The following RALYL variants were observed in gnomAD, a reference collection of about 807,000 sequenced individuals.
RALYL encodes the protein RNA-binding Raly-like protein.
Under a neutral mutation model 35.1 loss-of-function variants are expected in RALYL, and 29 were observed. The observed-to-expected ratio is 0.83, with a 90% CI of 0.61 to 1.13. RALYL has a LOEUF of 1.13. RALYL is among the 50% of genes most tolerant of loss of function. RALYL has a pLI of 0.00. For missense variants in RALYL, 359 were observed against 360.4 expected (o/e 1.00, Z 0.03); for synonymous variants, 120 against 127.6 (o/e 0.94, Z 0.40).
chr8:84,487,741 T>C (rs4739691), intron 1 of RALYL, among the ~76,000 whole-genome samples: 53,078 of 151,954 alleles, frequency 0.35, 9,568 homozygotes, highest in South Asian at 0.52. Context: ...TGTCCTCTTA[T>C]AGAAAATACT....
chr8:84,801,154 A>G (rs1823154691), intron 3 of RALYL, among the ~76,000 whole-genome samples: 1 of 152,182 alleles, frequency 6.6e-6, no homozygotes, highest in South Asian at 2.1e-4. Flanking sequence ...ACAGTGTGTC[A>G]TCATCATTTT....
At chr8:84,906,333 T>C (rs1346957441) in intron 8 of RALYL, among the ~76,000 whole-genome samples, 4 of 152,096 alleles carry the variant, frequency 2.6e-5, no homozygotes, top group Non-Finnish European at 5.9e-5. Context: ...CTGTAAAAAC[T>C]CTAAAAACAG....
At chr8:84,525,030 C>A (rs1364389430) in intron 1 of RALYL, among the ~76,000 whole-genome samples, 2 of 150,244 alleles carry the variant, frequency 1.3e-5, no homozygotes, top group Non-Finnish European at 3.0e-5. Flanking sequence ...TAAAATACGG[C>A]CTCAATTTTA....
intron 8 of RALYL, among the ~76,000 whole-genome samples, chr8:84,906,480 C>G (rs939923225): frequency 6.6e-6 from 1 of 152,140 alleles, no homozygotes; most frequent in African/African-American, 2.4e-5. Flanking sequence ...TCAAGCTACA[C>G]TGAATCTAAT....
At chr8:84,392,496 T>C (rs1860919911) in intron 1 of RALYL, among the ~76,000 whole-genome samples, 1 of 152,016 alleles carries the variant, frequency 6.6e-6, no homozygotes, top group Admixed American at 6.6e-5. Context: ...CCTTAGTGCA[T>C]TTGCAGCACA....
At chr8:84,353,591 T>TAATC (rs1851304776) in intron 1 of RALYL, among the ~76,000 whole-genome samples, 2 of 150,532 alleles carry the variant, frequency 1.3e-5, no homozygotes, top group South Asian at 4.2e-4. Flanking sequence ...AATTTACGAT[T>TAATC]AATCAATGAG....
At chr8:84,235,911 C>G (rs1358126198) in intron 1 of RALYL, among the ~76,000 whole-genome samples, 1 of 151,722 alleles carries the variant, frequency 6.6e-6, no homozygotes, top group Non-Finnish European at 1.5e-5. Flanking sequence ...GGATTATAGG[C>G]ACGTGCCACC....
At chr8:84,694,812 G>A (rs749115185) in intron 2 of RALYL, among the ~76,000 whole-genome samples, 21 of 151,732 alleles carry the variant, frequency 1.4e-4, no homozygotes, top group South Asian at 6.2e-4. Flanking sequence ...CAGAAACACC[G>A]GAATAGGCTG....
intron 1 of RALYL, among the ~76,000 whole-genome samples, chr8:84,226,113 A>G (rs1379551870): frequency 6.6e-6 from 1 of 152,172 alleles, no homozygotes; most frequent in Non-Finnish European, 1.5e-5. Flanking sequence ...CCTTAGCTCC[A>G]TCTCCTGTCA....
chr8:84,573,555 G>T (rs1808560954), intron 2 of RALYL, among the ~76,000 whole-genome samples: 1 of 151,728 alleles, frequency 6.6e-6, no homozygotes, highest in African/African-American at 2.4e-5. Flanking sequence ...ATCCAGTAAG[G>T]TTTTTTACAG....
intron 8 of RALYL, among the ~76,000 whole-genome samples, chr8:84,896,200 C>T (rs1471192091): frequency 2.6e-5 from 4 of 152,124 alleles, no homozygotes; most frequent in Non-Finnish European, 1.5e-5. Flanking sequence ...TGTAAGATCC[C>T]TTCAGGTCTC....
In RALYL at chr8:84,832,035, G is replaced by T. The variant is rs77939143; in HGVS notation, c.366-17945G>T. On this transcript the variant is annotated intron_variant, in intron 4 of 8. Coordinates refer to ENST00000521268, the MANE Select transcript of RALYL (RefSeq NM_173848.7). ...GGAATGACAATGTTTAGTATAAAAA[G>T]ATTTGCTAAAATCTTCAATATTTTA... 2.3e-3 allele frequency among the ~76,000 whole-genome samples: 348 copies of T among 152,168 alleles called. 5 individuals are homozygous for T. Among genetic ancestry groups the T allele is most frequent in the Admixed American group, 0.019 (283 of 15,294 alleles).
intron 2 of RALYL, among the ~76,000 whole-genome samples, chr8:84,736,241 T>C (rs1847290708): frequency 6.6e-6 from 1 of 152,112 alleles, no homozygotes; most frequent in Non-Finnish European, 1.5e-5. Context: ...GCACAAAAAG[T>C]ATGGATTAAG....
At chr8:84,277,504 C>T (rs144394054) in intron 1 of RALYL, among the ~76,000 whole-genome samples, 56 of 152,278 alleles carry the variant, frequency 3.7e-4, no homozygotes, top group African/African-American at 1.1e-3. Flanking sequence ...ATCATGCCTT[C>T]CCAACAGTCC....
At chr8:84,621,124 C>G (rs982863793) in intron 2 of RALYL, among the ~76,000 whole-genome samples, 15 of 152,192 alleles carry the variant, frequency 9.9e-5, no homozygotes, top group Admixed American at 7.2e-4. Context: ...CCACCCAGTT[C>G]GAGCTTCCTG....
At chr8:84,646,460 A>G (rs971044886) in intron 2 of RALYL, among the ~76,000 whole-genome samples, 1 of 151,806 alleles carries the variant, frequency 6.6e-6, no homozygotes, top group South Asian at 2.1e-4. Context: ...AGTTTGGGGG[A>G]TTGTATTATA....
intron 1 of RALYL, among the ~76,000 whole-genome samples, chr8:84,368,216 C>T (rs752754871): frequency 2.0e-5 from 3 of 152,196 alleles, no homozygotes; most frequent in East Asian, 1.9e-4. Context: ...TATGTGCAAG[C>T]GCTATTCTCT....
chr8:84,565,097 T>A (rs1375183122), intron 2 of RALYL, among the ~76,000 whole-genome samples: 1 of 151,608 alleles, frequency 6.6e-6, no homozygotes, highest in Non-Finnish European at 1.5e-5. Flanking sequence ...TGAGATTTGT[T>A]TTATCCACCT....
At chr8:84,208,244 A>G (rs781132644) in intron 1 of RALYL, among the ~76,000 whole-genome samples, 7 of 152,206 alleles carry the variant, frequency 4.6e-5, no homozygotes, top group Non-Finnish European at 1.0e-4. Flanking sequence ...TCGTTAGCAC[A>G]GAAACAAAAA....
Sources: allele counts gnomAD v4.1 joint callset (sites outside exome capture counted in the v4.1 genomes callset), GRCh38; gene constraint gnomAD v4.1.1; transcripts MANE v1.5; gene names NCBI Gene and HGNC (gene_info 2026-07-23, HGNC 2026-07-21).